SLC37A1: variants seen among roughly 807,000 people sequenced by gnomAD.
SLC37A1 encodes the protein glucose-6-phosphate exchanger SLC37A1.
Under a neutral mutation model 75.3 loss-of-function variants are expected in SLC37A1, and 49 were observed. The observed-to-expected ratio is 0.65, with a 90% CI of 0.52 to 0.83. The LOEUF (loss-of-function observed/expected upper bound fraction) is 0.83, where lower values mean the gene tolerates loss of function less well. SLC37A1 is among the 40% of genes least tolerant of loss of function. The pLI, the probability that SLC37A1 is intolerant of heterozygous loss-of-function variation, is 0.00. For synonymous variants in SLC37A1, 268 were observed against 292.1 expected, an observed-to-expected ratio of 0.92 and a Z score of 0.84; for missense variants, 566 against 695.0, an observed-to-expected ratio of 0.81 and a Z score of 2.09.
At chr21:42,522,391 GC>G (rs1199940906) in intron 2 of SLC37A1, among the ~76,000 whole-genome samples, 1 of 152,196 alleles carries the variant, frequency 6.6e-6, no homozygotes, top group African/African-American at 2.4e-5. Context: ...GGGGGTTTGA[GC>G]CCATCCATGC....
At position 42,568,384 on chromosome 21, in the gene SLC37A1, A is replaced by C. The variant is rs760793538; in HGVS notation, c.1369A>C (p.Asn457His). ...DLGTHKSLKG[N>H]AHALSTVTAI... is the part of the protein sequence containing the mutation. Reference sequence around the variant, plus strand: ...GGGGACTCATAAAAGTCTGAAAGGCAACGCGCACGCCCTCTCCACCGTGAC... The same window carrying C: ...GGGGACTCATAAAAGTCTGAAAGGCCACGCGCACGCCCTCTCCACCGTGAC... The change falls in exon 17 of 20, where the codon AAC becomes CAC. Residue 457 changes from asparagine to histidine, a missense_variant. Physicochemically the swap from Asn to His is moderately conservative, Grantham distance 68. Transcript: ENST00000352133. The C allele has an allele frequency of 6.2e-7, 1 of 1,614,138 alleles. No individual in the cohort carries two copies. The highest frequency in any genetic ancestry group is 8.5e-7 in the Non-Finnish European group (1 of 1,180,014).
chr21:42,578,118 T>G (rs1454453756), intron 18 of SLC37A1, among the ~76,000 whole-genome samples: 3 of 152,234 alleles, frequency 2.0e-5, no homozygotes, highest in Non-Finnish European at 4.4e-5. Flanking sequence ...AGTCTGGAGC[T>G]GAGAACCTCC....
intron 10 of SLC37A1, among the ~76,000 whole-genome samples, chr21:42,557,565 A>G (rs1011704784): frequency 6.6e-6 from 1 of 152,232 alleles, no homozygotes; most frequent in Non-Finnish European, 1.5e-5. Flanking sequence ...TATCTTCATC[A>G]GAGACCCGCT....
chr21:42,541,283 A>G (rs1450375324), intron 6 of SLC37A1, among the ~76,000 whole-genome samples: 3 of 152,168 alleles, frequency 2.0e-5, no homozygotes, highest in African/African-American at 7.2e-5. Context: ...CCCGGTTCCT[A>G]ATAGGCCACG....
intron 2 of SLC37A1, among the ~76,000 whole-genome samples, chr21:42,505,055 A>G (rs996078185): frequency 6.6e-6 from 1 of 152,196 alleles, no homozygotes; most frequent in African/African-American, 2.4e-5. Flanking sequence ...GAAGACGCCA[A>G]CAGCCCAGGT....
At chr21:42,558,130 T>C (rs1447461704) in intron 10 of SLC37A1, among the ~76,000 whole-genome samples, 1 of 152,174 alleles carries the variant, frequency 6.6e-6, no homozygotes, top group African/African-American at 2.4e-5. Context: ...TCTTACTGTG[T>C]GGCCCAGGCT....
At chr21:42,539,864 G>T (rs1027009847) in intron 6 of SLC37A1, among the ~76,000 whole-genome samples, 1 of 152,302 alleles carries the variant, frequency 6.6e-6, no homozygotes, top group South Asian at 2.1e-4. Flanking sequence ...GAGTTGCCTC[G>T]TAAAAAATGC....
At chr21:42,521,586 G>A (rs1286293483) in intron 2 of SLC37A1, among the ~76,000 whole-genome samples, 1 of 152,210 alleles carries the variant, frequency 6.6e-6, no homozygotes, top group South Asian at 2.1e-4. Context: ...CTGAGAACAC[G>A]TGGTCTTCCA....
Position 42,552,575 on chromosome 21 carries a change from GTGAA to G in SLC37A1, c.769-1479_769-1476del, listed in dbSNP as rs1256522488. Among the ~76,000 whole-genome samples the G allele has an allele frequency of 6.6e-6, 1 of 152,236 alleles. No individual in the cohort carries two copies. Among genetic ancestry groups the G allele is most frequent in the Non-Finnish European group, 1.5e-5 (1 of 68,050 alleles). ...TGCTTAATAATTATTTGTTGAATGAGTGAATGAATGATTGGTCAGTGGCTGCTGG... is the reference window on the plus strand; with the variant it reads ...TGCTTAATAATTATTTGTTGAATGAGTGAATGATTGGTCAGTGGCTGCTGG... On this transcript the variant is annotated intron_variant, in intron 9 of 19. Coordinates refer to ENST00000352133, the MANE Select transcript of SLC37A1 (RefSeq NM_001320537.2). The surrounding 1 kb of genome is among the most constrained non-coding windows in gnomAD (Gnocchi z 4.2).
upstream of SLC37A1, among the ~76,000 whole-genome samples, chr21:42,513,394 C>CT (rs2054460296): frequency 6.6e-6 from 1 of 152,228 alleles, no homozygotes; most frequent in East Asian, 1.9e-4. Flanking sequence ...CTATGGAGTG[C>CT]TAGTCTTCAT....
chr21:42,551,765 T>C (rs920671233), intron 9 of SLC37A1, among the ~76,000 whole-genome samples: 8 of 152,250 alleles, frequency 5.3e-5, no homozygotes, highest in African/African-American at 1.9e-4. Context: ...TTAATGTGCC[T>C]CTTAAGGCTC....
chr21:42,504,448 A>T (rs2054366573), intron 2 of SLC37A1, among the ~76,000 whole-genome samples: 1 of 152,216 alleles, frequency 6.6e-6, no homozygotes, highest in Admixed American at 6.5e-5. Flanking sequence ...GTATGTGTTT[A>T]GTTCTAGAAA....
At position 42,569,700 on chromosome 21, in the gene SLC37A1, G is replaced by A. The variant is rs555120685; in HGVS notation, c.1423+1262G>A. ...GTTCTCTGGAGCGCTCTCCCCATCC[G>A]CAGTGGGATTCGGTGCACTCCTCTG... is the stretch of plus-strand genomic sequence containing the variant. On this transcript the variant is annotated intron_variant, in intron 17 of 19. Transcript: ENST00000352133. Among the ~76,000 whole-genome samples the A allele has an allele frequency of 2.2e-4, 33 of 152,378 alleles. No homozygotes were observed. In the South Asian group the frequency reaches 2.3e-3, roughly 11 times the overall value.
At chr21:42,579,588 C>A in intron 18 of SLC37A1, 148 bp from the exon 19 acceptor site, 2 of 292,202 alleles carry the variant, frequency 6.8e-6, no homozygotes, top group Non-Finnish European at 1.2e-5. Flanking sequence ...AGCCCCGCTG[C>A]TCTTGCAGGG....
chr21:42,504,867 C>A (rs770909771), intron 2 of SLC37A1, among the ~76,000 whole-genome samples: 1 of 152,190 alleles, frequency 6.6e-6, no homozygotes, highest in East Asian at 1.9e-4. Context: ...CACTTGCTAC[C>A]GGTTTACTAA....
chr21:42,579,774 A>C lies in SLC37A1; in HGVS notation c.1560A>C (p.Pro520=). The C allele has an allele frequency of 1.9e-6, 3 of 1,614,182 alleles. No homozygotes were observed. The highest frequency in any genetic ancestry group is 2.5e-6 in the Non-Finnish European group (3 of 1,180,036). The change falls in exon 19 of 20, where the codon CCA becomes CCC. Residue 520 remains proline, a synonymous_variant. Transcript: ENST00000352133. ...TCATACACAAGGAGCTGAGCTGCCC[A>C]GGGTCAGCTACGGGGGACCAAGTTC... is the stretch of plus-strand genomic sequence containing the variant. ...IRLIHKELSC[P]GSATGDQVPF... is the part of the protein sequence containing the mutation.
rs779556206 is a variant in SLC37A1 at position 42,567,367 on chromosome 21, C to CAG, written c.1344+318_1344+319dup. Among the ~76,000 whole-genome samples, 8 of 152,288 alleles carry CAG rather than the reference C, an allele frequency of 5.3e-5. No homozygotes were observed. The East Asian group carries it at 1.5e-3, about 29-fold the overall frequency. On this transcript the variant is annotated intron_variant, in intron 16 of 19. Coordinates refer to ENST00000352133, the MANE Select transcript of SLC37A1 (RefSeq NM_001320537.2). The stretch of plus-strand genomic sequence containing the variant: ...AGAGGTCCTGTCCTGGACGCCTCTG[C>CAG]AGAGAGAGAGGGGCCACGAAGAGGC...
At chr21:42,541,522 C>T (rs928654235) in intron 6 of SLC37A1, among the ~76,000 whole-genome samples, 10 of 152,194 alleles carry the variant, frequency 6.6e-5, no homozygotes, top group Admixed American at 5.9e-4. Context: ...CAATACATTC[C>T]CCAAGTCCCT....
intron 18 of SLC37A1, among the ~76,000 whole-genome samples, chr21:42,576,727 A>G (rs2056318570): frequency 6.6e-6 from 1 of 152,270 alleles, no homozygotes; most frequent in South Asian, 2.1e-4. Context: ...CAGGAGTTAT[A>G]GAAATGAAAA....
Sources: allele counts gnomAD v4.1 joint callset (sites outside exome capture counted in the v4.1 genomes callset), GRCh38; gene constraint gnomAD v4.1.1; non-coding constraint Gnocchi (gnomAD v3.1); transcripts MANE v1.5; gene names NCBI Gene and HGNC (gene_info 2026-07-23, HGNC 2026-07-21).